The following CCDC6 variants were observed in gnomAD, a reference collection of about 807,000 sequenced individuals.
The protein encoded by CCDC6 is coiled-coil domain-containing protein 6.
In CCDC6, 20 loss-of-function variants were observed where a neutral mutation model predicts 56.6. The observed-to-expected ratio is 0.35, with a 90% confidence interval of 0.25 to 0.51. The LOEUF (loss-of-function observed/expected upper bound fraction) is 0.51, where lower values mean the gene tolerates loss of function less well. Among genes scored for constraint, CCDC6 ranks in the 20% least tolerant of loss-of-function variants. The probability of loss-of-function intolerance (pLI) is 0.95; values close to 1 mark genes in which losing one functional copy is unlikely to be tolerated. For synonymous variants in CCDC6, 241 were observed against 234.4 expected, an observed-to-expected ratio of 1.03 and a Z score of -0.26; for missense variants, 367 against 601.1, an observed-to-expected ratio of 0.61 and a Z score of 4.07.
intron 2 of CCDC6, among the ~76,000 whole-genome samples, chr10:59,833,567 A>G (rs1294271635): frequency 6.9e-6 from 1 of 144,636 alleles, no homozygotes; most frequent in African/African-American, 2.5e-5. Flanking sequence ...AAATAAAAGA[A>G]ATCCAGTGGA....
In CCDC6 at chr10:59,838,228, T is replaced by TCACACACA. The variant is rs111779783; in HGVS notation, c.454-5583_454-5576dup. ...ATGAAGTCAGCCTCCATAACAGCTG[T>TCACACACA]CACACACACACACACTCTCCTTTGT... On this transcript the variant is annotated intron_variant, in intron 2 of 8. Transcript: ENST00000263102. Among the ~76,000 whole-genome samples the TCACACACA allele has an allele frequency of 6.0e-3, 911 of 151,204 alleles. 11 individuals are homozygous for TCACACACA. The highest frequency in any genetic ancestry group is 9.5e-3 in the Non-Finnish European group (647 of 67,768).
chr10:59,862,552 C>CATATAT lies in CCDC6; in HGVS notation c.304-9851_304-9850insATATAT, dbSNP rs1428689678. 2.8e-3 allele frequency among the ~76,000 whole-genome samples: 230 copies of CATATAT among 81,600 alleles called. 14 individuals are homozygous for CATATAT. The highest frequency in any genetic ancestry group is 7.7e-3 in the African/African-American group (129 of 16,838). The allele number at this position is 81,600 out of a possible 152,430, so 53.5% of individuals were successfully genotyped here. ...ACACACACACACACACACACACACA[C>CATATAT]ACACATATATATACACATACACACA... On this transcript the variant is annotated intron_variant, in intron 1 of 8. Transcript: ENST00000263102.
chr10:59,803,345 C>A (rs1180066386), intron 7 of CCDC6, among the ~76,000 whole-genome samples: 2 of 152,056 alleles, frequency 1.3e-5, no homozygotes. Context: ...AATGGCAGCA[C>A]AGTGCTGTGA....
intron 1 of CCDC6, among the ~76,000 whole-genome samples, chr10:59,856,950 G>A (rs1239468828): frequency 6.6e-6 from 1 of 152,156 alleles, no homozygotes; most frequent in African/African-American, 2.4e-5. Context: ...GGTAGACTGG[G>A]AAAATCTGGA....
chr10:59,812,364 G>A (rs150347551), intron 5 of CCDC6, among the ~76,000 whole-genome samples: 1 of 151,738 alleles, frequency 6.6e-6, no homozygotes, highest in African/African-American at 2.4e-5. Context: ...TGGCAGAGAA[G>A]ATTAAAAATG....
intron 1 of CCDC6, among the ~76,000 whole-genome samples, chr10:59,898,656 C>A (rs2071481525): frequency 6.6e-6 from 1 of 152,208 alleles, no homozygotes; most frequent in African/African-American, 2.4e-5. Flanking sequence ...AAGTGCAATC[C>A]TCGCTATGCT....
At chr10:59,896,605 C>A (rs1200459114) in intron 1 of CCDC6, among the ~76,000 whole-genome samples, 9 of 149,442 alleles carry the variant, frequency 6.0e-5, no homozygotes, top group African/African-American at 2.0e-4. Context: ...AAAAAACAAA[C>A]AAAAACAAGA....
intron 1 of CCDC6, among the ~76,000 whole-genome samples, chr10:59,868,440 C>G (rs758993530): frequency 6.6e-5 from 10 of 152,162 alleles, no homozygotes; most frequent in Non-Finnish European, 1.5e-4. Flanking sequence ...GCCACTAGAC[C>G]GTTCCTGTGA....
chr10:59,832,795 C>A (rs773225488), intron 2 of CCDC6, 142 bp from the exon 3 acceptor site: 8 of 712,968 alleles, frequency 1.1e-5, no homozygotes, highest in African/African-American at 1.8e-5. Context: ...AAGTATATAC[C>A]TAGTAATCTG....
intron 3 of CCDC6, among the ~76,000 whole-genome samples, chr10:59,829,280 A>T (rs973304764): frequency 6.6e-6 from 1 of 152,166 alleles, no homozygotes; most frequent in African/African-American, 2.4e-5. Flanking sequence ...GACCAACTCA[A>T]ATCTCTGGCA....
chr10:59,896,499 C>T (rs2071464813), intron 1 of CCDC6, among the ~76,000 whole-genome samples: 1 of 151,942 alleles, frequency 6.6e-6, no homozygotes, highest in African/African-American at 2.4e-5. Context: ...TAAAATAAGA[C>T]ATCAACACTT....
intron 3 of CCDC6, among the ~76,000 whole-genome samples, chr10:59,818,154 G>C (rs2070722323): frequency 6.6e-6 from 1 of 152,106 alleles, no homozygotes; most frequent in South Asian, 2.1e-4. Context: ...ACAATACTTG[G>C]GAGTAGCAGA....
chr10:59,853,333 G>A (rs1049779656), intron 1 of CCDC6, among the ~76,000 whole-genome samples: 1 of 152,114 alleles, frequency 6.6e-6, no homozygotes, highest in Non-Finnish European at 1.5e-5. Flanking sequence ...CAAGAGTTGA[G>A]ACCAGCCTGG....
intron 1 of CCDC6, among the ~76,000 whole-genome samples, chr10:59,865,337 TAA>T (rs1174434203): frequency 1.3e-5 from 2 of 152,146 alleles, no homozygotes; most frequent in East Asian, 1.9e-4. Context: ...AGCTCTGTGA[TAA>T]AGTGACCTCT....
chr10:59,876,838 T>A (rs2071286591), intron 1 of CCDC6, among the ~76,000 whole-genome samples: 1 of 152,208 alleles, frequency 6.6e-6, no homozygotes, highest in Non-Finnish European at 1.5e-5. Flanking sequence ...AATACAGTCA[T>A]GTGTTGGTTA....
intron 1 of CCDC6, among the ~76,000 whole-genome samples, chr10:59,903,934 G>C (rs1207493593): frequency 6.6e-6 from 1 of 152,188 alleles, no homozygotes; most frequent in Admixed American, 6.5e-5. Context: ...TCCTAGGTCA[G>C]TTAACAAAAC....
At chr10:59,824,279 C>T (rs1371962978) in intron 3 of CCDC6, among the ~76,000 whole-genome samples, 3 of 152,048 alleles carry the variant, frequency 2.0e-5, no homozygotes, top group Non-Finnish European at 2.9e-5. Context: ...GAGTTGGCAC[C>T]CCTAAGTTGG....
intron 2 of CCDC6, among the ~76,000 whole-genome samples, chr10:59,852,211 T>G (rs1316736675): frequency 6.6e-6 from 1 of 152,176 alleles, no homozygotes. Context: ...TACGTACTTA[T>G]TACAGGCTCA....
At chr10:59,888,453 C>T (rs2071398649) in intron 1 of CCDC6, among the ~76,000 whole-genome samples, 1 of 152,188 alleles carries the variant, frequency 6.6e-6, no homozygotes, top group Non-Finnish European at 1.5e-5. Context: ...AGGGCAGAAC[C>T]AGCAAAACTG....
Sources: gnomAD v4.1 joint callset for allele counts (sites outside exome capture counted in the v4.1 genomes callset) on GRCh38, gnomAD v4.1.1 for gene constraint, MANE v1.5 for transcripts, NCBI Gene and HGNC (gene_info 2026-07-23, HGNC 2026-07-21) for gene names.